RNF152: variants seen among roughly 807,000 people sequenced by gnomAD.
RNF152 encodes E3 ubiquitin-protein ligase RNF152.
A neutral mutation model predicts 12.7 loss-of-function variants in RNF152; 11 were observed. That is an observed-to-expected ratio of 0.86 (90% CI 0.54 to 1.43). The LOEUF is 1.43. RNF152 is among the 40% of genes most tolerant of loss of function. The probability of loss-of-function intolerance (pLI) is 0.00; values close to 1 mark genes in which losing one functional copy is unlikely to be tolerated. For missense variants in RNF152, 255 were observed against 274.8 expected (o/e 0.93, Z 0.51); for synonymous variants, 113 against 120.3 (o/e 0.94, Z 0.40).
chr18:61,842,495 G>A (rs1163750824), intron 1 of RNF152, among the ~76,000 whole-genome samples: 1 of 152,192 alleles, frequency 6.6e-6, no homozygotes, highest in Non-Finnish European at 1.5e-5. Flanking sequence ...CTGGAGACTT[G>A]TTTTCACAAA....
At chr18:61,819,250 C>G (rs1033119693) in intron 1 of RNF152, among the ~76,000 whole-genome samples, 21 of 152,186 alleles carry the variant, frequency 1.4e-4, no homozygotes, top group African/African-American at 5.1e-4. Flanking sequence ...CCAGACCCAA[C>G]CAGGGATAGC....
intron 1 of RNF152, among the ~76,000 whole-genome samples, chr18:61,855,555 G>A (rs1911185125): frequency 6.6e-6 from 1 of 152,226 alleles, no homozygotes; most frequent in South Asian, 2.1e-4. Flanking sequence ...CGCAGTAGAA[G>A]CCACGTGCAG....
intron 1 of RNF152, among the ~76,000 whole-genome samples, chr18:61,891,982 C>G (rs9958401): frequency 0.53 from 80,102 of 152,024 alleles, 21,226 homozygotes; most frequent in East Asian, 0.75. Context: ...TGCCCTCTAG[C>G]AGAAAATGCT....
At chr18:61,891,667 C>T (rs1316725726) in intron 1 of RNF152, among the ~76,000 whole-genome samples, 1 of 152,176 alleles carries the variant, frequency 6.6e-6, no homozygotes, top group Non-Finnish European at 1.5e-5. Context: ...CTAGTGACTC[C>T]TGAATGCTTG....
At chr18:61,852,624 C>A (rs559711724) in intron 1 of RNF152, among the ~76,000 whole-genome samples, 1 of 152,272 alleles carries the variant, frequency 6.6e-6, no homozygotes, top group Non-Finnish European at 1.5e-5. Context: ...GTGAGTCTCA[C>A]CTTAGCTGCA....
At chr18:61,867,656 T>C (rs1192854281) in intron 1 of RNF152, among the ~76,000 whole-genome samples, 1 of 152,152 alleles carries the variant, frequency 6.6e-6, no homozygotes, top group South Asian at 2.1e-4. Flanking sequence ...GAACCGTATG[T>C]AAACCAGGCT....
chr18:61,878,028 C>G (rs1912290949), intron 1 of RNF152, among the ~76,000 whole-genome samples: 1 of 152,208 alleles, frequency 6.6e-6, no homozygotes, highest in African/African-American at 2.4e-5. Flanking sequence ...CAGACTTCTC[C>G]CCTGGACTCT....
chr18:61,847,049 C>T (rs187975392), intron 1 of RNF152, among the ~76,000 whole-genome samples: 1 of 152,090 alleles, frequency 6.6e-6, no homozygotes, highest in Non-Finnish European at 1.5e-5. Flanking sequence ...GTATCCAGCC[C>T]AGTAGTGCAC....
At chr18:61,875,724 T>C (rs1034371441) in intron 1 of RNF152, among the ~76,000 whole-genome samples, 1 of 152,132 alleles carries the variant, frequency 6.6e-6, no homozygotes, top group African/African-American at 2.4e-5. Context: ...GTCTCACCAC[T>C]CATTCAATTA....
chr18:61,841,044 G>C (rs1368322465), intron 1 of RNF152, among the ~76,000 whole-genome samples: 13 of 152,202 alleles, frequency 8.5e-5, no homozygotes, highest in Admixed American at 8.5e-4. Flanking sequence ...GGCTGGCATG[G>C]GGTGAGAAAG....
intron 1 of RNF152, among the ~76,000 whole-genome samples, chr18:61,819,144 T>A (rs1198424874): frequency 6.6e-6 from 1 of 152,220 alleles, no homozygotes; most frequent in Non-Finnish European, 1.5e-5. Context: ...CTTACAGAAG[T>A]CTTCTCTAAG....
chr18:61,827,416 G>GA (rs1475448411), intron 1 of RNF152, among the ~76,000 whole-genome samples: 2 of 152,054 alleles, frequency 1.3e-5, no homozygotes, highest in Non-Finnish European at 1.5e-5. Flanking sequence ...TGTAAGGAGG[G>GA]AAAATCTTGG....
At position 61,815,887 on chromosome 18, in the gene RNF152, TG is replaced by T. The variant is rs1909043607; in HGVS notation, c.576del (p.Cys192Ter). 6.2e-7 allele frequency: 1 copy of T among 1,614,014 alleles called. No homozygotes were observed. Among genetic ancestry groups the T allele is most frequent in the African/African-American group, 1.3e-5 (1 of 74,908 alleles). On this transcript the variant is annotated frameshift_variant, in exon 2 of 2. Coordinates refer to ENST00000312828, the MANE Select transcript of RNF152 (RefSeq NM_173557.3). LOFTEE classifies it high-confidence loss of function. ...LLGIVLHNMS[C>X]ISKRFTVISC... ...GATATCACAGTGAAGCGCTTAGAAA[TG>T]CAAGACATGTTGTGAAGCACGATGC...
intron 1 of RNF152, among the ~76,000 whole-genome samples, chr18:61,842,110 G>C (rs1440375117): frequency 2.0e-5 from 3 of 152,178 alleles, no homozygotes; most frequent in African/African-American, 7.2e-5. Context: ...GTTTTATTAA[G>C]GGTTCACATG....
In RNF152 at chr18:61,808,512, A is replaced by T. The variant is rs1430858599; in HGVS notation, c.*7340T>A. The T allele has an allele frequency of 1.3e-5, 2 of 151,640 alleles. No homozygotes were observed. The highest frequency in any genetic ancestry group is 6.6e-5 in the Admixed American group (1 of 15,184). The allele number at this position is 151,640 out of a possible 1,614,324, so 9.4% of individuals were successfully genotyped here. ...ATTAATATAGCCATTAGACTGGAGT[A>T]TTTGTTATCAAGAGGGCCAGAGAAC... On this transcript the variant is annotated 3_prime_UTR_variant, in exon 2 of 2. Coordinates refer to ENST00000312828, the MANE Select transcript of RNF152 (RefSeq NM_173557.3).
At chr18:61,837,663 G>A (rs1329090343) in intron 1 of RNF152, among the ~76,000 whole-genome samples, 1 of 152,088 alleles carries the variant, frequency 6.6e-6, no homozygotes, top group African/African-American at 2.4e-5. Context: ...TTATTTCTAA[G>A]ATACTTGATA....
intron 1 of RNF152, among the ~76,000 whole-genome samples, chr18:61,818,569 A>C (rs1909227887): frequency 6.6e-6 from 1 of 152,260 alleles, no homozygotes; most frequent in African/African-American, 2.4e-5. Context: ...AAGTTACTGA[A>C]AGTGAAATAC....
intron 1 of RNF152, among the ~76,000 whole-genome samples, chr18:61,869,046 TC>T (rs1458899923): frequency 6.6e-6 from 1 of 152,184 alleles, no homozygotes; most frequent in Non-Finnish European, 1.5e-5. Context: ...TTTGAGGTTA[TC>T]AGAAGAGATT....
intron 1 of RNF152, among the ~76,000 whole-genome samples, chr18:61,824,279 T>C (rs1002860156): frequency 2.6e-5 from 4 of 152,202 alleles, no homozygotes; most frequent in Non-Finnish European, 4.4e-5. Context: ...GAGCCTCCTA[T>C]TTCCTCCCCT....
Sources: allele counts gnomAD v4.1 joint callset (sites outside exome capture counted in the v4.1 genomes callset), GRCh38; gene constraint gnomAD v4.1.1; transcripts MANE v1.5; gene names NCBI Gene and HGNC (gene_info 2026-07-23, HGNC 2026-07-21).